The following RAB27B variants were observed in gnomAD, a reference collection of about 807,000 sequenced individuals.
RAB27B encodes RAB27B, member RAS oncogene family.
RAB27B carries 15 observed loss-of-function variants against 24.6 expected under a neutral mutation model. The ratio of observed to expected loss-of-function variants is 0.61; its 90% CI spans 0.41 to 0.94. RAB27B has a LOEUF of 0.94. Ranked by LOEUF, RAB27B falls within the 40% of genes least tolerant of loss-of-function variation. The pLI, the probability that RAB27B is intolerant of heterozygous loss-of-function variation, is 0.00. For missense variants in RAB27B, 261 were observed against 266.8 expected, an observed-to-expected ratio of 0.98 and a Z score of 0.15; for synonymous variants, 105 against 92.5, an observed-to-expected ratio of 1.14 and a Z score of -0.78.
At chr18:54,879,688 C>G in intron 3 of RAB27B, 1 of 470,820 alleles carries the variant, frequency 2.1e-6, no homozygotes, top group South Asian at 3.1e-5. Flanking sequence ...TCTGAAGATT[C>G]TTGCTATGCA....
At chr18:54,769,468 T>C (rs1908475530) in intron 2 of RAB27B, among the ~76,000 whole-genome samples, 3 of 152,058 alleles carry the variant, frequency 2.0e-5, no homozygotes, top group Non-Finnish European at 4.4e-5. Context: ...TTGTTGTTGT[T>C]GTTGTTAATT....
chr18:54,844,415 T>C (rs1211823538), intron 1 of RAB27B, among the ~76,000 whole-genome samples: 2 of 146,446 alleles, frequency 1.4e-5, no homozygotes, highest in Admixed American at 6.8e-5. Flanking sequence ...TTTCTTTTTT[T>C]TTTTTTTTTT....
At chr18:54,739,508 C>T (rs542158696) in intron 2 of RAB27B, among the ~76,000 whole-genome samples, 8 of 148,890 alleles carry the variant, frequency 5.4e-5, no homozygotes, top group Non-Finnish European at 8.9e-5. Flanking sequence ...AAAATCCATT[C>T]TCCTGTTGAT....
At chr18:54,788,259 C>T (rs1014509026) in intron 2 of RAB27B, among the ~76,000 whole-genome samples, 2 of 152,178 alleles carry the variant, frequency 1.3e-5, no homozygotes, top group Non-Finnish European at 2.9e-5. Context: ...GTACATGGTA[C>T]TAAAGTATGG....
intron 2 of RAB27B, among the ~76,000 whole-genome samples, chr18:54,821,119 T>C (rs1910296455): frequency 6.6e-6 from 1 of 152,142 alleles, no homozygotes; most frequent in African/African-American, 2.4e-5. Flanking sequence ...GACGACATGA[T>C]TGTATATCTA....
At chr18:54,861,608 T>G (rs1051448113) in intron 1 of RAB27B, among the ~76,000 whole-genome samples, 1 of 152,210 alleles carries the variant, frequency 6.6e-6, no homozygotes, top group Admixed American at 6.5e-5. Flanking sequence ...TTAGGAATCA[T>G]TCATTGGCAG....
intron 2 of RAB27B, among the ~76,000 whole-genome samples, chr18:54,809,872 G>A (rs368421033): frequency 1.1e-4 from 17 of 152,214 alleles, no homozygotes; most frequent in East Asian, 9.6e-4. Flanking sequence ...GACAATATAC[G>A]CATTCATGTA....
chr18:54,793,784 G>A (rs1041167214), intron 2 of RAB27B, among the ~76,000 whole-genome samples: 8 of 152,154 alleles, frequency 5.3e-5, no homozygotes, highest in South Asian at 2.1e-4. Context: ...GGTGATACAC[G>A]CCTGCAGTCC....
chr18:54,781,241 A>G lies in RAB27B; in HGVS notation c.-20+63100A>G, dbSNP rs367794374. 1.0e-3 allele frequency among the ~76,000 whole-genome samples: 156 copies of G among 152,152 alleles called. 4 individuals are homozygous for G. In the South Asian group the frequency reaches 0.028, roughly 27 times the overall value. On this transcript the variant is annotated intron_variant, in intron 2 of 4. Transcript: ENST00000586570. ...GTCTTTGTCTCTAACATTAGTATAGAAGGCCAAACTACCTGTCCACTGGCC... is the reference window on the plus strand; with the variant it reads ...GTCTTTGTCTCTAACATTAGTATAGGAGGCCAAACTACCTGTCCACTGGCC...
intron 2 of RAB27B, among the ~76,000 whole-genome samples, chr18:54,727,877 T>C (rs1909589860): frequency 6.6e-6 from 1 of 152,194 alleles, no homozygotes; most frequent in Non-Finnish European, 1.5e-5. Context: ...TAGTGTTTTA[T>C]TGCTTCATAT....
intron 2 of RAB27B, among the ~76,000 whole-genome samples, chr18:54,734,139 T>G (rs1486167933): frequency 1.3e-5 from 2 of 152,178 alleles, no homozygotes; most frequent in African/African-American, 4.8e-5. Flanking sequence ...CAATTAAATT[T>G]TCCTCATGAG....
In RAB27B at chr18:54,823,074, G is replaced by A. The variant is rs148060440; in HGVS notation, c.-19-54493G>A. Among the ~76,000 whole-genome samples the A allele has an allele frequency of 5.4e-4, 82 of 152,336 alleles. 1 individual carries two copies. The highest frequency in any genetic ancestry group is 2.0e-3 in the African/African-American group (82 of 41,580). ...CAGTAGGTACAATTGTGAAAACATA[G>A]CCAGTTTAATGAGCAGATATCTAAA... On this transcript the variant is annotated intron_variant, in intron 2 of 4. Coordinates refer to the RAB27B transcript ENST00000586570.
At chr18:54,880,030 C>T (rs560274201) in intron 3 of RAB27B, 1 of 152,916 alleles carries the variant, frequency 6.5e-6, no homozygotes, top group South Asian at 2.1e-4. Flanking sequence ...CTGAAACAAA[C>T]TCCCACTTTT....
rs181403684 is a variant in RAB27B, at chr18:54,725,460, A to T, written c.-20+7319A>T. Among the ~76,000 whole-genome samples, 167 of 151,658 alleles carry T rather than the reference A, an allele frequency of 1.1e-3. 4 individuals are homozygous for T. Among genetic ancestry groups the T allele is most frequent in the Non-Finnish European group, 1.8e-3 (122 of 67,786 alleles). On this transcript the variant is annotated intron_variant, in intron 2 of 4. Coordinates refer to the RAB27B transcript ENST00000586570. ...AAAACTTAATACTGGATTACTTTAT[A>T]GGAGTTGTGTAAGTTCTTTAAAAGG...
chr18:54,796,673 G>C (rs1319685438), intron 2 of RAB27B, among the ~76,000 whole-genome samples: 1 of 152,194 alleles, frequency 6.6e-6, no homozygotes, highest in South Asian at 2.1e-4. Flanking sequence ...CACCCACTGT[G>C]TGTGTGCCCG....
chr18:54,887,579 C>T (rs1913196802), intron 4 of RAB27B, among the ~76,000 whole-genome samples: 1 of 152,038 alleles, frequency 6.6e-6, no homozygotes, highest in African/African-American at 2.4e-5. Flanking sequence ...ATAATAAAAG[C>T]ACCTAACATT....
intron 2 of RAB27B, among the ~76,000 whole-genome samples, chr18:54,724,020 C>A (rs1287188636): frequency 6.9e-6 from 1 of 143,912 alleles, no homozygotes; most frequent in South Asian, 2.2e-4. Flanking sequence ...AATGTGTGCT[C>A]TTTAGGGAAC....
chr18:54,807,272 T>C (rs905803953), intron 2 of RAB27B, among the ~76,000 whole-genome samples: 1 of 152,226 alleles, frequency 6.6e-6, no homozygotes, highest in African/African-American at 2.4e-5. Context: ...TTAATTTCAG[T>C]ATTTTTTCCT....
chr18:54,722,102 A>G (rs1909377650), intron 2 of RAB27B, among the ~76,000 whole-genome samples: 1 of 152,228 alleles, frequency 6.6e-6, no homozygotes, highest in African/African-American at 2.4e-5. Context: ...TTTAATTTCC[A>G]TGATGACTTA....
Sources: gnomAD v4.1 joint callset for allele counts (sites outside exome capture counted in the v4.1 genomes callset) on GRCh38, gnomAD v4.1.1 for gene constraint, MANE v1.5 for transcripts, NCBI Gene and HGNC (gene_info 2026-07-23, HGNC 2026-07-21) for gene names.